ZBTB7C: variants seen among roughly 807,000 people sequenced by gnomAD.
The protein encoded by ZBTB7C is zinc finger and BTB domain-containing protein 7C.
A neutral mutation model predicts 25.7 loss-of-function variants in ZBTB7C; 8 were observed. The ratio of observed to expected loss-of-function variants is 0.31; its 90% CI spans 0.18 to 0.56. ZBTB7C has a LOEUF of 0.56. Among genes scored for constraint, ZBTB7C ranks in the 20% least tolerant of loss-of-function variants. The pLI is 0.91. For synonymous variants in ZBTB7C, 394 were observed against 369.0 expected, an observed-to-expected ratio of 1.07 and a Z score of -0.78; for missense variants, 824 against 855.2, an observed-to-expected ratio of 0.96 and a Z score of 0.46.
intron 1 of ZBTB7C, among the ~76,000 whole-genome samples, chr18:48,391,316 T>TTAA (rs2047898587): frequency 6.6e-6 from 1 of 152,196 alleles, no homozygotes; most frequent in African/African-American, 2.4e-5. Context: ...TCCATGAAGT[T>TTAA]GTCAATGTTA....
intron 1 of ZBTB7C, among the ~76,000 whole-genome samples, chr18:48,364,926 C>G (rs1026545155): frequency 1.3e-4 from 20 of 152,166 alleles, no homozygotes; most frequent in Non-Finnish European, 4.4e-5. Context: ...TTACTAAACA[C>G]AGTTTGCTGG....
chr18:48,252,160 C>T (rs2043878735), intron 2 of ZBTB7C: 1 of 152,212 alleles, frequency 6.6e-6, no homozygotes, highest in Non-Finnish European at 1.5e-5. Flanking sequence ...GCAGCACTTA[C>T]TATTAGCCAG....
intron 1 of ZBTB7C, among the ~76,000 whole-genome samples, chr18:48,390,668 C>T (rs550918981): frequency 2.0e-5 from 3 of 152,342 alleles, no homozygotes; most frequent in Admixed American, 1.3e-4. Flanking sequence ...TGAGCCTCCA[C>T]TTCCCCACAG....
chr18:48,350,816 T>C lies in ZBTB7C; in HGVS notation c.-303-12418A>G, dbSNP rs1470698324. 2.0e-5 allele frequency among the ~76,000 whole-genome samples: 3 copies of C among 152,196 alleles called. No homozygotes were observed. The East Asian group carries it at 5.8e-4, about 29-fold the overall frequency. On this transcript the variant is annotated intron_variant, in intron 1 of 4. Coordinates refer to ENST00000590800, the MANE Select transcript of ZBTB7C (RefSeq NM_001318841.2). ...TACCATAATACTGTTCTGCAACTTG[T>C]TTTTATCATAACACCCTTGAGATTG...
chr18:48,100,919 G>A lies in ZBTB7C; in HGVS notation c.-16-59796C>T, dbSNP rs544603608. On this transcript the variant is annotated intron_variant, in intron 3 of 4. Transcript: ENST00000590800. Reference sequence around the variant, plus strand: ...AGGGGCGGTAGGGGACTGGTGGGGGGGCTGGAAACACTGTGCCCTAGTGGG... The same window carrying A: ...AGGGGCGGTAGGGGACTGGTGGGGGAGCTGGAAACACTGTGCCCTAGTGGG... 1.8e-3 allele frequency among the ~76,000 whole-genome samples: 253 copies of A among 139,670 alleles called. 1 individual carries two copies. The highest frequency in any genetic ancestry group is 0.011 in the Middle Eastern group (3 of 274). 91.6% of individuals were successfully genotyped at this position (139,670 alleles called of 152,430 possible).
intron 1 of ZBTB7C, among the ~76,000 whole-genome samples, chr18:48,373,337 T>A (rs956835430): frequency 6.6e-6 from 1 of 152,136 alleles, no homozygotes; most frequent in East Asian, 1.9e-4. Flanking sequence ...TCCACCATGA[T>A]GGCAAACTTC....
chr18:48,267,375 G>T (rs1168847355), intron 2 of ZBTB7C, among the ~76,000 whole-genome samples: 1 of 152,218 alleles, frequency 6.6e-6, no homozygotes, highest in Admixed American at 6.5e-5. Flanking sequence ...AATCGGCAGG[G>T]ATAAAGAGTG....
chr18:48,225,976 C>T lies in ZBTB7C; in HGVS notation c.-78-39981G>A, dbSNP rs185161032. 1.8e-4 allele frequency among the ~76,000 whole-genome samples: 28 copies of T among 152,330 alleles called. No homozygotes were observed. In the East Asian group the frequency reaches 4.8e-3, roughly 26 times the overall value. On this transcript the variant is annotated intron_variant, in intron 2 of 4. Coordinates refer to ENST00000590800, the MANE Select transcript of ZBTB7C (RefSeq NM_001318841.2). Reference sequence around the variant, plus strand: ...CAGGATGGTCTCGATCGCTTGACCTCGCGATCCACCCGCTTTGGCGTCCCA... The same window carrying T: ...CAGGATGGTCTCGATCGCTTGACCTTGCGATCCACCCGCTTTGGCGTCCCA...
At chr18:48,353,817 G>A (rs547895560) in intron 1 of ZBTB7C, among the ~76,000 whole-genome samples, 2 of 152,298 alleles carry the variant, frequency 1.3e-5, no homozygotes, top group South Asian at 4.1e-4. Context: ...CTGAAAGGCT[G>A]CAGGAGCTGC....
intron 2 of ZBTB7C, among the ~76,000 whole-genome samples, chr18:48,283,016 G>A (rs56104199): frequency 0.07 from 10,713 of 152,150 alleles, 426 homozygotes; most frequent in African/African-American, 0.089. Flanking sequence ...ATTTCAATAA[G>A]AAGTTTAAAA....
At chr18:48,299,342 A>G (rs1301067105) in intron 2 of ZBTB7C, among the ~76,000 whole-genome samples, 1 of 152,230 alleles carries the variant, frequency 6.6e-6, no homozygotes, top group Non-Finnish European at 1.5e-5. Flanking sequence ...CTCCAGAACC[A>G]TCATGACATT....
chr18:48,347,278 A>G (rs2145013798), intron 1 of ZBTB7C, among the ~76,000 whole-genome samples: 1 of 135,574 alleles, frequency 7.4e-6, no homozygotes, highest in Non-Finnish European at 1.7e-5. Flanking sequence ...CAAGCTCCTG[A>G]CCTCAAGTGA....
chr18:48,325,307 G>C (rs1286291373), intron 2 of ZBTB7C, among the ~76,000 whole-genome samples: 1 of 152,174 alleles, frequency 6.6e-6, no homozygotes, highest in Non-Finnish European at 1.5e-5. Flanking sequence ...TACCTTATCA[G>C]ATCTGACAAG....
rs35398428 is a variant in ZBTB7C at position 48,304,841 on chromosome 18, C to CAA, written c.-79+33331_-79+33332dup. 6.0e-3 allele frequency among the ~76,000 whole-genome samples: 537 copies of CAA among 90,076 alleles called. 20 individuals are homozygous for CAA. The highest frequency in any genetic ancestry group is 0.012 in the Middle Eastern group (2 of 172). The allele number at this position is 90,076 out of a possible 152,430, so 59.1% of individuals were successfully genotyped here. ...GCACAATGGGAGCCAGGCTCTACCTCAAAAAAAAAAAAAAAAAAAAAAGAT... is the reference window on the plus strand; with the variant it reads ...GCACAATGGGAGCCAGGCTCTACCTCAAAAAAAAAAAAAAAAAAAAAAAAGAT... On this transcript the variant is annotated intron_variant, in intron 2 of 4. Coordinates refer to ENST00000590800, the MANE Select transcript of ZBTB7C (RefSeq NM_001318841.2).
chr18:48,380,435 T>C (rs546888575), intron 1 of ZBTB7C, among the ~76,000 whole-genome samples: 1 of 152,170 alleles, frequency 6.6e-6, no homozygotes, highest in East Asian at 1.9e-4. Context: ...CATGAGATGA[T>C]GGATTAGTCG....
At chr18:48,074,973 CT>C (rs1316812194) in intron 3 of ZBTB7C, among the ~76,000 whole-genome samples, 1 of 152,262 alleles carries the variant, frequency 6.6e-6, no homozygotes, top group East Asian at 1.9e-4. Flanking sequence ...TCCCTTGATC[CT>C]TTGACTCCTC....
At chr18:48,349,656 T>C (rs1388537697) in intron 1 of ZBTB7C, among the ~76,000 whole-genome samples, 1 of 152,054 alleles carries the variant, frequency 6.6e-6, no homozygotes, top group Non-Finnish European at 1.5e-5. Flanking sequence ...CCAGAGGTGG[T>C]AGATCCTCCA....
At chr18:48,142,331 A>G (rs1478459173) in intron 3 of ZBTB7C, among the ~76,000 whole-genome samples, 3 of 152,206 alleles carry the variant, frequency 2.0e-5, no homozygotes, top group Non-Finnish European at 4.4e-5. Context: ...CCTGCCTCCC[A>G]TTTAGGAGCA....
At chr18:48,210,687 T>C (rs2042682407) in intron 2 of ZBTB7C, among the ~76,000 whole-genome samples, 1 of 151,674 alleles carries the variant, frequency 6.6e-6, no homozygotes, top group South Asian at 2.1e-4. Context: ...TGACTGCTAA[T>C]GGGTACGAGG....
Sources: allele counts gnomAD v4.1 joint callset (sites outside exome capture counted in the v4.1 genomes callset), GRCh38; gene constraint gnomAD v4.1.1; transcripts MANE v1.5; gene names NCBI Gene and HGNC (gene_info 2026-07-23, HGNC 2026-07-21).